Variants in ABCC11 observed in about 807,000 individuals in gnomAD.
ABCC11 encodes ATP-binding cassette sub-family C member 11.
ABCC11 carries 135 observed loss-of-function variants against 149.3 expected under a neutral mutation model. The ratio of observed to expected loss-of-function variants is 0.90; its 90% CI spans 0.79 to 1.04. The LOEUF (loss-of-function observed/expected upper bound fraction) is 1.04. ABCC11 is among the 50% of genes least tolerant of loss of function. ABCC11 has a pLI of 0.00. For synonymous variants in ABCC11, 665 were observed against 671.4 expected (o/e 0.99, Z 0.15); for missense variants, 1,680 against 1,722.1 (o/e 0.98, Z 0.43).
intron 6 of ABCC11, among the ~76,000 whole-genome samples, chr16:48,217,225 T>C (rs572333774): frequency 1.3e-5 from 2 of 152,276 alleles, no homozygotes; most frequent in Non-Finnish European, 2.9e-5. Context: ...ATTCTACTAC[T>C]AATAATAATA....
In ABCC11 at chr16:48,205,462, C is replaced by T. The variant is rs769018792; in HGVS notation, c.1756G>A (p.Gly586Arg). Residue 586 changes from glycine (G) to arginine (R), a missense_variant, in exon 13 of 30, where the codon GGG becomes AGG. Transcript: ENST00000356608. ...ATGAGGATGTTCTCCCTGATGTTCCCGCTGACGATCCAGGCCTGCTGGGGG... is the reference window on the plus strand; with the variant it reads ...ATGAGGATGTTCTCCCTGATGTTCCTGCTGACGATCCAGGCCTGCTGGGGG... ...YVPQQAWIVS[G>R]NIRENILMGG... 2.0e-5 allele frequency: 32 copies of T among 1,614,072 alleles called. No homozygotes were observed. Among genetic ancestry groups the T allele is most frequent in the African/African-American group, 1.3e-4 (10 of 74,922 alleles).
downstream of ABCC11, chr16:48,165,035 T>G (rs1005192764): frequency 6.4e-4 from 98 of 152,176 alleles, no homozygotes; most frequent in African/African-American, 2.3e-3. Context: ...TCACCGCATT[T>G]TTGGGACGAG....
At position 48,227,907 on chromosome 16, in the gene ABCC11, T is replaced by C. The variant is rs1275210705; in HGVS notation, c.294A>G (p.Ser98=). The C allele has an allele frequency of 1.9e-6, 3 of 1,613,966 alleles. No individual in the cohort carries two copies. Among genetic ancestry groups the C allele is most frequent in the Non-Finnish European group, 2.5e-6 (3 of 1,180,016 alleles). The change falls in exon 4 of 30, where the codon TCA becomes TCG. Residue 98 remains serine (S), a synonymous_variant. Transcript: ENST00000356608. ...NAGLFSYLTV[S]WLTPLMIQSL... ...TTTGGATCATGAGCGGGGTGAGCCATGACACGGTGAGGTAGGAGAACAGGC... is the reference window on the plus strand; with the variant it reads ...TTTGGATCATGAGCGGGGTGAGCCACGACACGGTGAGGTAGGAGAACAGGC...
chr16:48,196,286 C>T lies in ABCC11; in HGVS notation c.2350G>A (p.Glu784Lys). Residue 784 changes from glutamate (E) to lysine (K), a missense_variant, in exon 18 of 30, where the codon GAA (glutamate) becomes AAA (lysine). Transcript: ENST00000356608. Reference sequence around the variant, plus strand: ...ACCCTCCAACTCAAGGAGCCTTCTTCCATCTCCTCCTCCTGTGTGAGCTGA... The same window carrying T: ...ACCCTCCAACTCAAGGAGCCTTCTTTCATCTCCTCCTCCTGTGTGAGCTGA... ...EHQLTQEEEM[E>K]EGSLSWRVYH... 1 of 1,614,132 alleles carries T rather than the reference C, an allele frequency of 6.2e-7. No homozygotes were observed. The highest frequency in any genetic ancestry group is 8.5e-7 in the Non-Finnish European group (1 of 1,180,006).
At position 48,227,976 on chromosome 16, in the gene ABCC11, G is replaced by A. The variant is rs1190787442; in HGVS notation, c.237-12C>T. 35 of 1,601,948 alleles carry A rather than the reference G, an allele frequency of 2.2e-5. No individual in the cohort carries two copies. Among genetic ancestry groups the A allele is most frequent in the Admixed American group, 5.2e-5 (3 of 58,142 alleles). The stretch of plus-strand genomic sequence containing the variant: ...GGGGGGCAGGAAACCTAGTAGAGGG[G>A]CCACAAGGATAAGAATGAATTCAGG... On this transcript the variant is annotated splice_polypyrimidine_tract_variant and intron_variant, in intron 3 of 29. Transcript: ENST00000356608.
Position 48,247,351 on chromosome 16 carries a change from G to C in ABCC11, c.-56C>G, listed in dbSNP as rs1267506549. ...ATGGTAGCCCAGAGGCCAGAAGAGG[G>C]GCTCTGTTCCTTTCTCTTGTTTCCT... On this transcript the variant is annotated 5_prime_UTR_variant, in exon 1 of 30. Transcript: ENST00000356608. The C allele has an allele frequency of 6.6e-6, 1 of 152,532 alleles. No individual in the cohort carries two copies. The allele number at this position is 152,532 out of a possible 1,614,324, so 9.4% of individuals were successfully genotyped here.
intron 14 of ABCC11, among the ~76,000 whole-genome samples, chr16:48,202,898 G>A (rs1249777999): frequency 6.6e-6 from 1 of 152,234 alleles, no homozygotes; most frequent in Non-Finnish European, 1.5e-5. Flanking sequence ...GAGGGTCATG[G>A]CTGATGTTGC....
chr16:48,198,854 C>T lies in ABCC11; in HGVS notation c.2083-579G>A, dbSNP rs192527166. On this transcript the variant is annotated intron_variant, in intron 15 of 29. Transcript: ENST00000356608. ...GAGTTCAAGACCAGCCTGGCCAACA[C>T]GGTGAAACCTCGTCTGTACTACAAA... 4.3e-3 allele frequency among the ~76,000 whole-genome samples: 648 copies of T among 151,974 alleles called. 4 individuals are homozygous for T. Among genetic ancestry groups the T allele is most frequent in the Admixed American group, 7.5e-3 (115 of 15,260 alleles).
chr16:48,196,504 G>A (rs1967431176), intron 17 of ABCC11, among the ~76,000 whole-genome samples, 183 bp from the exon 18 acceptor site: 1 of 152,196 alleles, frequency 6.6e-6, no homozygotes, highest in Non-Finnish European at 1.5e-5. Flanking sequence ...TCCAGAGCCT[G>A]GAAAGGGATC....
At chr16:48,229,214 C>A (rs1037900550) in intron 3 of ABCC11, among the ~76,000 whole-genome samples, 5 of 151,978 alleles carry the variant, frequency 3.3e-5, no homozygotes, top group Non-Finnish European at 7.4e-5. Context: ...GTGCTAATAT[C>A]TTAAAGCCCC....
rs541528019 is a variant in ABCC11, at chr16:48,230,356, C to T, written c.236+81G>A. 1.1e-4 allele frequency: 165 copies of T among 1,448,824 alleles called. 1 individual carries two copies. In the Middle Eastern group the frequency reaches 1.3e-3, roughly 12 times the overall value. 89.7% of individuals were successfully genotyped at this position (1,448,824 alleles called of 1,614,324 possible). A position where few individuals can be genotyped will look rare whatever the true frequency, so the allele number is the denominator to read the frequency against. ...TGTAGGGATGTAGTTATGCAACCTT[C>T]GTGAGAGGTCTAGTTGGGAGGGTTG... On this transcript the variant is annotated intron_variant, in intron 3 of 29. Transcript: ENST00000356608.
In ABCC11 at chr16:48,167,220, C is replaced by G. The variant is rs41280939; in HGVS notation, c.*54G>C. Reference sequence around the variant, plus strand: ...GCAGACTGTGGGCCTCGAAGCTGCACCTGTGTGAACCTCTGAGCTCAGCTG... The same window carrying G: ...GCAGACTGTGGGCCTCGAAGCTGCAGCTGTGTGAACCTCTGAGCTCAGCTG... On this transcript the variant is annotated 3_prime_UTR_variant, in exon 30 of 30. Coordinates refer to ENST00000356608, the MANE Select transcript of ABCC11 (RefSeq NM_001370497.1). 0.071 allele frequency: 55,018 copies of G among 775,684 alleles called. 2,305 individuals carry two copies. The highest frequency in any genetic ancestry group is 0.13 in the African/African-American group (7,377 of 58,844). The allele number at this position is 775,684 out of a possible 1,614,324, so 48.1% of individuals were successfully genotyped here. A position where few individuals can be genotyped will look rare whatever the true frequency, so the allele number is the denominator to read the frequency against.
intron 14 of ABCC11, 50 bp downstream of exon 14, chr16:48,203,178 C>A: frequency 6.6e-7 from 1 of 1,507,538 alleles, no homozygotes; most frequent in Non-Finnish European, 9.0e-7. Context: ...GCAGCATGAA[C>A]ATAAGAGCAC....
Position 48,228,672 on chromosome 16 carries a change from A to C in ABCC11, c.237-708T>G, listed in dbSNP as rs375604116. Among the ~76,000 whole-genome samples, 59 of 152,326 alleles carry C rather than the reference A, an allele frequency of 3.9e-4. 1 individual carries two copies. In the East Asian group the frequency reaches 0.011, roughly 27 times the overall value. ...AAGGAGAGAAAGCAGACAAAACAGTATGTACATTTATATCACATTGCTGAT... is the reference window on the plus strand; with the variant it reads ...AAGGAGAGAAAGCAGACAAAACAGTCTGTACATTTATATCACATTGCTGAT... On this transcript the variant is annotated intron_variant, in intron 3 of 29. Coordinates refer to ENST00000356608, the MANE Select transcript of ABCC11 (RefSeq NM_001370497.1).
rs1567477453 is a variant in ABCC11 at position 48,175,406 on chromosome 16, AG to A, written c.3549del (p.Leu1184TrpfsTer37). ...ACCAGGCGGAAGAGAGCCATGCCCA[AG>A]GAGGACTTCCCTGTGGGGCAAGAAA... is the stretch of plus-strand genomic sequence containing the variant. ...IVGRTGSGKSSLGMALFRLVE... is the reference protein window; with the variant it reads ...IVGRTGSGKSXLGMALFRLVE... On this transcript the variant is annotated frameshift_variant, in exon 26 of 30. Transcript: ENST00000356608. LOFTEE classifies it high-confidence loss of function. The A allele has an allele frequency of 6.2e-7, 1 of 1,610,242 alleles. No homozygotes were observed. The highest frequency in any genetic ancestry group is 1.7e-5 in the Admixed American group (1 of 59,894).
At chr16:48,207,512 C>T (rs1384888929) in intron 12 of ABCC11, among the ~76,000 whole-genome samples, 1 of 151,930 alleles carries the variant, frequency 6.6e-6, no homozygotes, top group Non-Finnish European at 1.5e-5. Context: ...CCAAAAAATA[C>T]AAAAATTAGC....
Position 48,216,123 on chromosome 16 carries a change from GA to G in ABCC11, c.941del (p.Phe314SerfsTer7). On this transcript the variant is annotated frameshift_variant, in exon 7 of 30. Coordinates refer to ENST00000356608, the MANE Select transcript of ABCC11 (RefSeq NM_001370497.1). LOFTEE classifies it high-confidence loss of function. ...FIAILCYLLVFPLAVFMTRMA... is the reference protein window; with the variant it reads ...FIAILCYLLVXPLAVFMTRMA... ...CAGAGAAAGACATTACCGCCAGTGG[GA>G]AAACCAGGAGATAGCATAAGATGGC... The G allele has an allele frequency of 4.3e-6, 7 of 1,613,922 alleles. No individual in the cohort carries two copies. The highest frequency in any genetic ancestry group is 5.9e-6 in the Non-Finnish European group (7 of 1,179,964).
In ABCC11 at chr16:48,216,164, A is replaced by T. The variant is rs2150877650; in HGVS notation, c.901T>A (p.Tyr301Asn). 1 of 1,614,226 alleles carries T rather than the reference A, an allele frequency of 6.2e-7. No individual in the cohort carries two copies. Among genetic ancestry groups the T allele is most frequent in the Non-Finnish European group, 8.5e-7 (1 of 1,180,036 alleles). The change falls in exon 7 of 30, where the codon TAC (tyrosine) becomes AAC (asparagine). Residue 301 changes from tyrosine to asparagine, a missense_variant. Physicochemically the swap from Tyr to Asn is moderately radical, Grantham distance 143. Coordinates refer to ENST00000356608, the MANE Select transcript of ABCC11 (RefSeq NM_001370497.1). ...CATAAGATGGCAATAAATGCAGTGT[A>T]TCCAATAATGAAGTAGGAAGAAATG... Reference protein sequence around the residue: ...CSISSYFIIGYTAFIAILCYL... With the variant: ...CSISSYFIIGNTAFIAILCYL...
intron 28 of ABCC11, among the ~76,000 whole-genome samples, chr16:48,168,971 T>C (rs1037653148): frequency 1.3e-5 from 2 of 152,178 alleles, no homozygotes; most frequent in African/African-American, 4.8e-5. Context: ...GATGGGTTGA[T>C]GGGTGCAGCA....
Sources: allele counts gnomAD v4.1 joint callset (sites outside exome capture counted in the v4.1 genomes callset), GRCh38; gene constraint gnomAD v4.1.1; transcripts MANE v1.5; gene names NCBI Gene and HGNC (gene_info 2026-07-23, HGNC 2026-07-21).